The following NKAIN4 variants were observed in gnomAD, a reference collection of about 807,000 sequenced individuals.
NKAIN4 encodes the protein sodium/potassium transporting ATPase interacting 4.
A neutral mutation model predicts 28.8 loss-of-function variants in NKAIN4; 28 were observed. The ratio of observed to expected loss-of-function variants is 0.97; its 90% confidence interval spans 0.72 to 1.33. The LOEUF (loss-of-function observed/expected upper bound fraction) is 1.33, where lower values mean the gene tolerates loss of function less well. NKAIN4 is among the 40% of genes most tolerant of loss of function. NKAIN4 has a pLI of 0.00. For missense variants in NKAIN4, 289 were observed against 277.2 expected (o/e 1.04, Z -0.30); for synonymous variants, 122 against 115.6 (o/e 1.06, Z -0.36).
rs913316812 is a variant in NKAIN4, at chr20:63,250,186, C to G, written c.55-114G>C. On this transcript the variant is annotated intron_variant, in intron 1 of 6. Transcript: ENST00000370316. ...AGCAGGGACTTCCTCCCCACACCCG[C>G]CCACCACACCTTTGTTTGACGAAGG... 2.5e-6 allele frequency: 3 copies of G among 1,218,208 alleles called. No homozygotes were observed. The South Asian group carries it at 4.7e-5, about 19-fold the overall frequency. 75.5% of individuals were successfully genotyped at this position (1,218,208 alleles called of 1,614,324 possible). A position where few individuals can be genotyped will look rare whatever the true frequency, so the allele number is the denominator to read the frequency against.
intron 2 of NKAIN4, chr20:63,249,174 C>T: frequency 2.2e-6 from 1 of 455,942 alleles, no homozygotes; most frequent in East Asian, 4.4e-5. Context: ...ACACAGCATC[C>T]CTGGCTGAGC....
intron 4 of NKAIN4, among the ~76,000 whole-genome samples, chr20:63,244,943 C>A (rs565909727): frequency 9.8e-5 from 15 of 152,308 alleles, no homozygotes; most frequent in Middle Eastern, 3.4e-3. Flanking sequence ...ACTCAGCAGC[C>A]GGGTGACCCC....
intron 5 of NKAIN4, among the ~76,000 whole-genome samples, chr20:63,243,334 C>A (rs892141842): frequency 6.6e-6 from 1 of 152,084 alleles, no homozygotes; most frequent in Non-Finnish European, 1.5e-5. Context: ...GACACGTGGA[C>A]TGCTGACCCC....
At chr20:63,242,093 CAA>C (rs1336209926) in intron 6 of NKAIN4, among the ~76,000 whole-genome samples, 4 of 152,150 alleles carry the variant, frequency 2.6e-5, no homozygotes, top group Admixed American at 6.5e-5. Context: ...CACCCCATGC[CAA>C]AGTCTGGGGT....
chr20:63,242,752 G>A (rs1455698502), intron 5 of NKAIN4, 129 bp from the exon 6 acceptor site: 2 of 401,380 alleles, frequency 5.0e-6, no homozygotes, highest in Non-Finnish European at 9.5e-6. Flanking sequence ...CCAAAGCCCT[G>A]ACATGACAGC....
rs2066831972 is a variant in NKAIN4, at chr20:63,245,097, C to T, written c.472-1013G>A. On this transcript the variant is annotated intron_variant, in intron 4 of 6. Coordinates refer to ENST00000370316, the MANE Select transcript of NKAIN4 (RefSeq NM_152864.4). The surrounding 1 kb of genome is among the most constrained non-coding windows in gnomAD (Gnocchi z 4.7). ...CTGGACATGCTTGGGCTCCGTCCCC[C>T]CGACCCCCGACCCCATCTGGTACAG... Among the ~76,000 whole-genome samples, 1 of 152,166 alleles carries T rather than the reference C, an allele frequency of 6.6e-6. No homozygotes were observed. The highest frequency in any genetic ancestry group is 1.5e-5 in the Non-Finnish European group (1 of 68,032).
rs888038441 is a variant in NKAIN4, at chr20:63,252,010, G to A, written c.55-1938C>T. Among the ~76,000 whole-genome samples the A allele has an allele frequency of 1.3e-5, 2 of 152,170 alleles. No individual in the cohort carries two copies. The highest frequency in any genetic ancestry group is 1.9e-4 in the East Asian group (1 of 5,176). On this transcript the variant is annotated intron_variant, in intron 1 of 6. Transcript: ENST00000370316. This position sits in a 1 kb window ranked among gnomAD's most constrained non-coding sequence, Gnocchi z 4.6. ...TGCCCTGGCCCACTTTGCCTACGCCGGGCACAGTTCTGTGAGGTCTGGGCT... is the reference window on the plus strand; with the variant it reads ...TGCCCTGGCCCACTTTGCCTACGCCAGGCACAGTTCTGTGAGGTCTGGGCT...
chr20:63,249,480 A>G (rs2066919429), intron 2 of NKAIN4, among the ~76,000 whole-genome samples: 1 of 152,198 alleles, frequency 6.6e-6, no homozygotes, highest in African/African-American at 2.4e-5. Context: ...CACTGAATGA[A>G]AATGCTGACT....
At chr20:63,241,974 G>A (rs986530700) in intron 6 of NKAIN4, among the ~76,000 whole-genome samples, 3 of 152,148 alleles carry the variant, frequency 2.0e-5, no homozygotes, top group Non-Finnish European at 4.4e-5. Flanking sequence ...GGGGGCCTGG[G>A]CAGCCCAGGG....
At chr20:63,242,429 C>A in intron 6 of NKAIN4, 110 bp downstream of exon 6, 2 of 759,666 alleles carry the variant, frequency 2.6e-6, no homozygotes, top group African/African-American at 1.9e-5. Context: ...GGATGGATGG[C>A]AGAACGGACA....
intron 6 of NKAIN4, 175 bp from the exon 7 acceptor site, chr20:63,241,681 C>T (rs771969558): frequency 1.4e-6 from 1 of 715,826 alleles, no homozygotes; most frequent in Non-Finnish European, 2.6e-6. Context: ...GCCCCCACTG[C>T]CTCTCTCTGT....
In NKAIN4 at chr20:63,252,672, C is replaced by T. The variant is rs991460841; in HGVS notation, c.54+1725G>A. 1.3e-5 allele frequency among the ~76,000 whole-genome samples: 2 copies of T among 152,178 alleles called. No homozygotes were observed. Among genetic ancestry groups the T allele is most frequent in the Non-Finnish European group, 2.9e-5 (2 of 68,028 alleles). On this transcript the variant is annotated intron_variant, in intron 1 of 6. Transcript: ENST00000370316. This position sits in a 1 kb window ranked among gnomAD's most constrained non-coding sequence, Gnocchi z 4.6. The stretch of plus-strand genomic sequence containing the variant: ...GACCCAGAGGCTGGCCCTGAGAGGA[C>T]ACGGCTCTGCCCAGTCCCTGGAGAG...
Position 63,247,845 on chromosome 20 carries a change from C to A in NKAIN4, c.274-70G>T, listed in dbSNP as rs571958205. On this transcript the variant is annotated intron_variant, in intron 3 of 6. Coordinates refer to ENST00000370316, the MANE Select transcript of NKAIN4 (RefSeq NM_152864.4). The stretch of plus-strand genomic sequence containing the variant: ...GGGCGGCCTCACCCACTGCAGCCTG[C>A]GGGGACGCCACCACACCGAGGCAAG... 8.5e-6 allele frequency: 12 copies of A among 1,405,918 alleles called. No homozygotes were observed. In the African/African-American group the frequency reaches 1.7e-4, roughly 20 times the overall value. 87.1% of individuals were successfully genotyped at this position (1,405,918 alleles called of 1,614,324 possible). A position where few individuals can be genotyped will look rare whatever the true frequency, so the allele number is the denominator to read the frequency against.
At position 63,243,219 on chromosome 20, in the gene NKAIN4, G is replaced by T. The variant is rs1431024521; in HGVS notation, c.533-596C>A. On this transcript the variant is annotated intron_variant, in intron 5 of 6. Transcript: ENST00000370316. ...GGCTGAGCTCTGAGTGATGGTTTAG[G>T]ATCAGCAGCAGAGTGGCTGAGGGAT... 2.0e-5 allele frequency among the ~76,000 whole-genome samples: 3 copies of T among 152,330 alleles called. No individual in the cohort carries two copies. The South Asian group carries it at 6.2e-4, about 32-fold the overall frequency.
intron 6 of NKAIN4, among the ~76,000 whole-genome samples, 190 bp downstream of exon 6, chr20:63,242,349 T>C (rs1003450821): frequency 6.6e-6 from 1 of 152,174 alleles, no homozygotes; most frequent in African/African-American, 2.4e-5. Flanking sequence ...CCTAGGTCTC[T>C]GCAGCCCCAG....
intron 4 of NKAIN4, chr20:63,246,686 C>G (rs890552514): frequency 8.1e-5 from 80 of 981,970 alleles, no homozygotes; most frequent in African/African-American, 2.5e-4. Flanking sequence ...GCCTCGAGAT[C>G]GGTCAGAAGT....
Position 63,252,123 on chromosome 20 carries a change from GCA to G in NKAIN4, c.55-2053_55-2052del. The stretch of plus-strand genomic sequence containing the variant: ...CTGGCTCCAGAATGGAGACCCTGCA[GCA>G]CAGAGGGGCTGGGGGCGTCTTTTTC... On this transcript the variant is annotated intron_variant, in intron 1 of 6. Coordinates refer to ENST00000370316, the MANE Select transcript of NKAIN4 (RefSeq NM_152864.4). The surrounding 1 kb of genome is among the most constrained non-coding windows in gnomAD (Gnocchi z 4.6). 6.6e-6 allele frequency among the ~76,000 whole-genome samples: 1 copy of G among 152,312 alleles called. No individual in the cohort carries two copies. The highest frequency in any genetic ancestry group is 1.9e-4 in the East Asian group (1 of 5,176).
At chr20:63,247,044 C>T in intron 4 of NKAIN4, 1 of 1,005,726 alleles carries the variant, frequency 9.9e-7, no homozygotes, top group Non-Finnish European at 1.2e-6. Context: ...CCCGGGGCCA[C>T]AGAATCCCTG....
Position 63,245,835 on chromosome 20 carries a change from T to A in NKAIN4, c.471+1743A>T, listed in dbSNP as rs1041382459. Among the ~76,000 whole-genome samples the A allele has an allele frequency of 4.6e-5, 7 of 151,860 alleles. No individual in the cohort carries two copies. The highest frequency in any genetic ancestry group is 3.9e-4 in the Admixed American group (6 of 15,268). ...GGATAAAAGCCAACAGGAGGCCCCA[T>A]CTCCCCAACCATGCAGAGTGCCCAC... On this transcript the variant is annotated intron_variant, in intron 4 of 6. Coordinates refer to ENST00000370316, the MANE Select transcript of NKAIN4 (RefSeq NM_152864.4). The surrounding 1 kb of genome is among the most constrained non-coding windows in gnomAD (Gnocchi z 4.7).
Sources: allele counts gnomAD v4.1 joint callset (sites outside exome capture counted in the v4.1 genomes callset), GRCh38; gene constraint gnomAD v4.1.1; non-coding constraint Gnocchi (gnomAD v3.1); transcripts MANE v1.5; gene names NCBI Gene and HGNC (gene_info 2026-07-23, HGNC 2026-07-21).